KLF9: variants seen among roughly 807,000 people sequenced by gnomAD.
The protein encoded by KLF9 is KLF transcription factor 9.
A neutral mutation model predicts 17.3 loss-of-function variants in KLF9; 2 were observed. The observed-to-expected ratio is 0.12, with a 90% CI of 0.05 to 0.36. KLF9 has a LOEUF of 0.36. Among genes scored for constraint, KLF9 ranks in the 10% least tolerant of loss-of-function variants. The probability of loss-of-function intolerance (pLI) is 1.00; values close to 1 mark genes in which losing one functional copy is unlikely to be tolerated. For synonymous variants in KLF9, 138 were observed against 139.2 expected (o/e 0.99, Z 0.06); for missense variants, 226 against 333.2 (o/e 0.68, Z 2.51).
In KLF9 at chr9:70,386,202, G is replaced by C. The variant is rs2037109630; in HGVS notation, c.*1574C>G. ...AAAAAAATGTAAACATTTCCCCCAT[G>C]ATCACTGCTGACTCCCCTCATTTGA... On this transcript the variant is annotated 3_prime_UTR_variant, in exon 2 of 2. Transcript: ENST00000377126. 1 of 152,640 alleles carries C rather than the reference G, an allele frequency of 6.6e-6. No homozygotes were observed. The allele number at this position is 152,640 out of a possible 1,614,324, so 9.5% of individuals were successfully genotyped here.
chr9:70,389,621 G>A lies in KLF9; in HGVS notation c.506-1616C>T, dbSNP rs2037139955. On this transcript the variant is annotated intron_variant, in intron 1 of 1. Coordinates refer to ENST00000377126, the MANE Select transcript of KLF9 (RefSeq NM_001206.4). ...AGTCCTGCCTGCCAGATGTTATCAG[G>A]CCAGCATCCATAACCTCCTGCTGCT... Among the ~76,000 whole-genome samples, 6 of 152,188 alleles carry A rather than the reference G, an allele frequency of 3.9e-5. No homozygotes were observed. In the South Asian group the frequency reaches 1.2e-3, roughly 32 times the overall value.
rs750161862 is a variant in KLF9 at position 70,413,284 on chromosome 9, T to A, written c.80A>T (p.His27Leu). Reference sequence around the variant, plus strand: ...CCGCTCGGCGTCCGGAGCGACCCCATGCTCCGGCACCGCAGCGCGGTTCGA... The same window carrying A: ...CCGCTCGGCGTCCGGAGCGACCCCAAGCTCCGGCACCGCAGCGCGGTTCGA... ...SISNRAAVPEHGVAPDAERLR... is the reference protein window; with the variant it reads ...SISNRAAVPELGVAPDAERLR... Residue 27 changes from histidine (H) to leucine (L), a missense_variant, in exon 1 of 2, where the codon CAT becomes CTT. By Grantham distance (99) the His-to-Leu change is moderately conservative. Transcript: ENST00000377126. The surrounding 1 kb of genome is among the most constrained non-coding windows in gnomAD (Gnocchi z 5.6). The A allele has an allele frequency of 6.2e-7, 1 of 1,612,520 alleles. No homozygotes were observed.
Position 70,413,325 on chromosome 9 carries a change from C to T in KLF9, c.39G>A (p.Gln13=), listed in dbSNP as rs1485807323. 2 of 1,594,682 alleles carry T rather than the reference C, an allele frequency of 1.3e-6. No individual in the cohort carries two copies. Among genetic ancestry groups the T allele is most frequent in the East Asian group, 2.2e-5 (1 of 44,554 alleles). ...AAAYMDFVAA[Q]CLVSISNRAA... ...CGCGGTTCGAAATGGAAACCAGACA[C>T]TGGGCAGCCACGAAGTCCATGTAGG... is the stretch of plus-strand genomic sequence containing the variant. The change falls in exon 1 of 2, where the codon CAG becomes CAA. Residue 13 remains glutamine, a synonymous_variant. Coordinates refer to ENST00000377126, the MANE Select transcript of KLF9 (RefSeq NM_001206.4). This position sits in a 1 kb window ranked among gnomAD's most constrained non-coding sequence, Gnocchi z 5.6.
At chr9:70,398,497 T>G (rs1251615243) in intron 1 of KLF9, among the ~76,000 whole-genome samples, 3 of 151,922 alleles carry the variant, frequency 2.0e-5, no homozygotes, top group Admixed American at 2.0e-4. Context: ...GAATTTTTTT[T>G]TTTTTTTTTG....
chr9:70,397,255 G>A (rs1417863962), intron 1 of KLF9, among the ~76,000 whole-genome samples: 4 of 151,960 alleles, frequency 2.6e-5, no homozygotes, highest in East Asian at 1.9e-4. Flanking sequence ...GGGGTGGATC[G>A]CTTGAGGTGA....
chr9:70,406,182 G>A (rs746936102), intron 1 of KLF9, among the ~76,000 whole-genome samples: 11 of 152,188 alleles, frequency 7.2e-5, no homozygotes, highest in Non-Finnish European at 1.3e-4. Flanking sequence ...AAATTCCTAG[G>A]CACCCGCAGA....
rs765078570 is a variant in KLF9 at position 70,405,355 on chromosome 9, A to G, written c.505+7504T>C. On this transcript the variant is annotated intron_variant, in intron 1 of 1. Transcript: ENST00000377126. ...TTCAAATCCTTGTCACTAATTTTGT[A>G]TGGCTTAAGCTCCCGTCTCTTACTT... 1.3e-3 allele frequency among the ~76,000 whole-genome samples: 191 copies of G among 152,328 alleles called. No individual in the cohort carries two copies. In the Middle Eastern group the frequency reaches 0.017, roughly 14 times the overall value.
intron 1 of KLF9, among the ~76,000 whole-genome samples, chr9:70,396,621 T>C (rs2037183117): frequency 6.6e-6 from 1 of 151,930 alleles, no homozygotes; most frequent in South Asian, 2.1e-4. Flanking sequence ...AGACCCCATC[T>C]CTACTACAAT....
intron 1 of KLF9, among the ~76,000 whole-genome samples, chr9:70,399,867 T>G (rs2037209833): frequency 6.6e-6 from 1 of 152,208 alleles, no homozygotes; most frequent in South Asian, 2.1e-4. Flanking sequence ...AAGTTGCCAC[T>G]GAGCTTTAAT....
At position 70,387,677 on chromosome 9, in the gene KLF9, A is replaced by G; in HGVS notation, c.*99T>C. 1 of 962,610 alleles carries G rather than the reference A, an allele frequency of 1.0e-6. No individual in the cohort carries two copies. Among genetic ancestry groups the G allele is most frequent in the Admixed American group, 1.8e-5 (1 of 55,486 alleles). 59.6% of individuals were successfully genotyped at this position (962,610 alleles called of 1,614,324 possible). ...AGAGCAGTGACTTCCTGTGCCGTCA[A>G]GTGTGCCTCTTCTGGGGCTCAGTTT... is the stretch of plus-strand genomic sequence containing the variant. On this transcript the variant is annotated 3_prime_UTR_variant, in exon 2 of 2. Transcript: ENST00000377126.
At chr9:70,404,281 T>G (rs556101094) in intron 1 of KLF9, among the ~76,000 whole-genome samples, 50 of 152,310 alleles carry the variant, frequency 3.3e-4, no homozygotes, top group Admixed American at 8.5e-4. Flanking sequence ...GCTTTTTGCA[T>G]GTAAGTCACT....
In KLF9 at chr9:70,388,081, T is replaced by A. The variant is rs1298970733; in HGVS notation, c.506-76A>T. 6 of 1,103,154 alleles carry A rather than the reference T, an allele frequency of 5.4e-6. No homozygotes were observed. In the East Asian group the frequency reaches 1.6e-4, roughly 29 times the overall value. The allele number at this position is 1,103,154 out of a possible 1,614,324, so 68.3% of individuals were successfully genotyped here. Reference sequence around the variant, plus strand: ...TCCGAAGGGCGGTCATGGTCAATAGTCCCTACGACTCAAAGGATAAATCCC... The same window carrying A: ...TCCGAAGGGCGGTCATGGTCAATAGACCCTACGACTCAAAGGATAAATCCC... On this transcript the variant is annotated intron_variant, in intron 1 of 1. Coordinates refer to ENST00000377126, the MANE Select transcript of KLF9 (RefSeq NM_001206.4).
rs1487997650 is a variant in KLF9 at position 70,413,405 on chromosome 9, C to T, written c.-42G>A. On this transcript the variant is annotated 5_prime_UTR_variant, in exon 1 of 2. Transcript: ENST00000377126. The surrounding 1 kb of genome is among the most constrained non-coding windows in gnomAD (Gnocchi z 5.6). The stretch of plus-strand genomic sequence containing the variant: ...GCCCAGGCGGCGCGGACAAACTTGG[C>T]GGTGGCTGCGGAGGTTCGGCTCGCC... 3.4e-6 allele frequency: 5 copies of T among 1,450,736 alleles called. No homozygotes were observed. Among genetic ancestry groups the T allele is most frequent in the Non-Finnish European group, 4.5e-6 (5 of 1,104,364 alleles). The allele number at this position is 1,450,736 out of a possible 1,614,324, so 89.9% of individuals were successfully genotyped here. A position where few individuals can be genotyped will look rare whatever the true frequency, so the allele number is the denominator to read the frequency against.
At chr9:70,409,158 A>G (rs1159917874) in intron 1 of KLF9, among the ~76,000 whole-genome samples, 3 of 60,348 alleles carry the variant, frequency 5.0e-5, no homozygotes, top group Non-Finnish European at 9.1e-5. Context: ...ATGTATATAT[A>G]TACACATATA....
chr9:70,387,863 G>A lies in KLF9; in HGVS notation c.648C>T (p.Asp216=). 6.2e-7 allele frequency: 1 copy of A among 1,614,080 alleles called. No homozygotes were observed. Among genetic ancestry groups the A allele is most frequent in the Non-Finnish European group, 8.5e-7 (1 of 1,180,006 alleles). ...PLCEKRFMRS[D]HLTKHARRHT... ...GCCGCCGGGCGTGCTTTGTGAGGTGGTCACTCCTCATGAAGCGCTTCTCAC... is the reference window on the plus strand; with the variant it reads ...GCCGCCGGGCGTGCTTTGTGAGGTGATCACTCCTCATGAAGCGCTTCTCAC... Residue 216 remains aspartate (D), a synonymous_variant, in exon 2 of 2, where the codon GAC becomes GAT. Transcript: ENST00000377126.
intron 1 of KLF9, among the ~76,000 whole-genome samples, chr9:70,402,029 A>T (rs2037225624): frequency 6.6e-6 from 1 of 152,112 alleles, no homozygotes; most frequent in African/African-American, 2.4e-5. Flanking sequence ...ATAAATAAAT[A>T]AAAATAAAAT....
At position 70,386,570 on chromosome 9, in the gene KLF9, T is replaced by C. The variant is rs572072408; in HGVS notation, c.*1206A>G. The stretch of plus-strand genomic sequence containing the variant: ...TAACTCTTGCACCTGAGAGTGGGAG[T>C]TTTGTAGGAACACAGGAAGGAGACC... On this transcript the variant is annotated 3_prime_UTR_variant, in exon 2 of 2. Coordinates refer to ENST00000377126, the MANE Select transcript of KLF9 (RefSeq NM_001206.4). 1 of 152,504 alleles carries C rather than the reference T, an allele frequency of 6.6e-6. No homozygotes were observed. Among genetic ancestry groups the C allele is most frequent in the Non-Finnish European group, 1.5e-5 (1 of 68,022 alleles). 9.4% of individuals were successfully genotyped at this position (152,504 alleles called of 1,614,324 possible). A position where few individuals can be genotyped will look rare whatever the true frequency, so the allele number is the denominator to read the frequency against.
chr9:70,395,918 G>C (rs1449460379), intron 1 of KLF9, among the ~76,000 whole-genome samples: 1 of 152,070 alleles, frequency 6.6e-6, no homozygotes, highest in East Asian at 1.9e-4. Flanking sequence ...CTGGGTAACA[G>C]AGCCAGACGC....
chr9:70,402,782 G>GA (rs907610085), intron 1 of KLF9, among the ~76,000 whole-genome samples: 12 of 151,434 alleles, frequency 7.9e-5, no homozygotes, highest in Middle Eastern at 6.8e-3. Context: ...AAAATATATA[G>GA]AAAAAAAAAT....
Sources: allele counts gnomAD v4.1 joint callset (sites outside exome capture counted in the v4.1 genomes callset), GRCh38; gene constraint gnomAD v4.1.1; non-coding constraint Gnocchi (gnomAD v3.1); transcripts MANE v1.5; gene names NCBI Gene and HGNC (gene_info 2026-07-23, HGNC 2026-07-21).